MYOM1: variants seen among roughly 807,000 people sequenced by gnomAD.
MYOM1 encodes the protein myomesin-1.
Under a neutral mutation model 205.3 loss-of-function variants are expected in MYOM1, and 164 were observed. The observed-to-expected ratio is 0.80, with a 90% CI of 0.70 to 0.91. The LOEUF (loss-of-function observed/expected upper bound fraction) is 0.91. Among genes scored for constraint, MYOM1 ranks in the 40% least tolerant of loss-of-function variants. The pLI is 0.00. For synonymous variants in MYOM1, 772 were observed against 789.4 expected, an observed-to-expected ratio of 0.98 and a Z score of 0.37; for missense variants, 2,011 against 2,127.3, an observed-to-expected ratio of 0.95 and a Z score of 1.08.
intron 10 of MYOM1, among the ~76,000 whole-genome samples, chr18:3,158,001 T>A (rs749756840): frequency 6.6e-6 from 1 of 152,198 alleles, no homozygotes; most frequent in Middle Eastern, 3.4e-3. Flanking sequence ...ACACAGACTA[T>A]TAATAACTTT....
At chr18:3,123,827 A>ATT (rs5822739) in intron 19 of MYOM1, among the ~76,000 whole-genome samples, 70,306 of 147,284 alleles carry the variant, frequency 0.48, 17,672 homozygotes, top group East Asian at 0.91. Context: ...ATTTTTATTT[A>ATT]TTTATTTTTT....
intron 22 of MYOM1, among the ~76,000 whole-genome samples, 182 bp from the exon 23 acceptor site, chr18:3,102,812 T>A (rs1224524750): frequency 1.3e-5 from 2 of 152,226 alleles, no homozygotes; most frequent in Non-Finnish European, 2.9e-5. Context: ...TGCCATAACA[T>A]GAAATTAGAT....
intron 23 of MYOM1, among the ~76,000 whole-genome samples, chr18:3,100,898 A>G (rs2079366464): frequency 6.6e-6 from 1 of 152,212 alleles, no homozygotes; most frequent in Non-Finnish European, 1.5e-5. Context: ...GTGCCTTCAG[A>G]GACAGGAACT....
chr18:3,077,890 G>A (rs1338702458), intron 34 of MYOM1, among the ~76,000 whole-genome samples: 2 of 152,090 alleles, frequency 1.3e-5, no homozygotes, highest in Non-Finnish European at 2.9e-5. Flanking sequence ...GAAAGGTCCT[G>A]CAGCGAGTCT....
At position 3,100,139 on chromosome 18, in the gene MYOM1, A is replaced by G; in HGVS notation, c.3727+20T>C. Reference sequence around the variant, plus strand: ...CTAGTAAGACTGCTAAAAACCTGTGAATGTATTGTGGATACTTACTTGGGA... The same window carrying G: ...CTAGTAAGACTGCTAAAAACCTGTGGATGTATTGTGGATACTTACTTGGGA... On this transcript the variant is annotated intron_variant, in intron 25 of 37. Coordinates refer to ENST00000356443, the MANE Select transcript of MYOM1 (RefSeq NM_003803.4). The G allele has an allele frequency of 8.7e-6, 14 of 1,613,388 alleles. No individual in the cohort carries two copies. The highest frequency in any genetic ancestry group is 1.1e-5 in the Non-Finnish European group (13 of 1,179,734).
chr18:3,155,234 T>G (rs1442021325), intron 10 of MYOM1, 146 bp from the exon 11 acceptor site: 3 of 877,006 alleles, frequency 3.4e-6, no homozygotes, highest in Non-Finnish European at 4.8e-6. Flanking sequence ...TTGCTATTTT[T>G]TTTTTGAGAC....
At chr18:3,232,629 T>G in the MYOM1 span, among the ~76,000 whole-genome samples, 102 of 152,338 alleles carry the variant, frequency 6.7e-4, no homozygotes, top group African/African-American at 2.3e-3. Context: ...TAATAATACA[T>G]TAGTTAAAGC....
intron 3 of MYOM1, among the ~76,000 whole-genome samples, chr18:3,191,275 T>C (rs1358159185): frequency 1.3e-5 from 2 of 152,218 alleles, no homozygotes; most frequent in African/African-American, 2.4e-5. Flanking sequence ...AAATTTCAGG[T>C]GCCATGCAGA....
At chr18:3,240,065 C>T in the MYOM1 span, among the ~76,000 whole-genome samples, 8 of 152,032 alleles carry the variant, frequency 5.3e-5, no homozygotes, top group African/African-American at 1.2e-4. Flanking sequence ...AAGTAAGCAT[C>T]GACTATAATT....
In MYOM1 at chr18:3,069,949, C is replaced by T. The variant is rs149528949; in HGVS notation, c.4764+1885G>A. 1.5e-3 allele frequency among the ~76,000 whole-genome samples: 221 copies of T among 152,214 alleles called. 2 individuals carry two copies. Among genetic ancestry groups the T allele is most frequent in the African/African-American group, 4.7e-3 (194 of 41,542 alleles). The stretch of plus-strand genomic sequence containing the variant: ...TGCAGTGGCTGAGCTTAAAATCAAC[C>T]GTGATCATATTTTCCAACCATGAGG... On this transcript the variant is annotated intron_variant, in intron 37 of 37. Transcript: ENST00000356443.
intron 31 of MYOM1, 96 bp from the exon 32 acceptor site, chr18:3,084,123 T>C (rs1316191018): frequency 4.5e-6 from 6 of 1,320,056 alleles, no homozygotes; most frequent in Admixed American, 4.0e-5. Flanking sequence ...CCCTTTCTGG[T>C]TGAAAGGAAA....
At chr18:3,072,347 C>T (rs890497033) in intron 36 of MYOM1, among the ~76,000 whole-genome samples, 6 of 63,250 alleles carry the variant, frequency 9.5e-5, no homozygotes, top group South Asian at 5.9e-4. Flanking sequence ...CCACCGCACC[C>T]GGCTTTTTTT....
the MYOM1 span, among the ~76,000 whole-genome samples, chr18:3,232,823 T>C: frequency 6.9e-6 from 1 of 145,128 alleles, no homozygotes; most frequent in East Asian, 1.9e-4. Flanking sequence ...GTATTTCACA[T>C]AAATATGTTT....
intron 16 of MYOM1, among the ~76,000 whole-genome samples, chr18:3,131,844 C>G (rs2079879876): frequency 6.6e-6 from 1 of 151,712 alleles, no homozygotes; most frequent in Non-Finnish European, 1.5e-5. Flanking sequence ...TAAACCCACT[C>G]TGTCAAAAAA....
intron 36 of MYOM1, among the ~76,000 whole-genome samples, chr18:3,074,303 A>G (rs72858615): frequency 6.6e-6 from 1 of 152,030 alleles, no homozygotes; most frequent in Non-Finnish European, 1.5e-5. Context: ...AAAGTGGAGA[A>G]GGGAGTGGAG....
chr18:3,155,468 C>T (rs1056624780), intron 10 of MYOM1, among the ~76,000 whole-genome samples: 1 of 152,224 alleles, frequency 6.6e-6, no homozygotes, highest in East Asian at 1.9e-4. Flanking sequence ...TTGTGATCCG[C>T]CCGCCTCGGC....
chr18:3,223,274 C>T (rs2081339451), upstream of MYOM1, among the ~76,000 whole-genome samples: 1 of 152,206 alleles, frequency 6.6e-6, no homozygotes. Flanking sequence ...TACTTCCTGG[C>T]ATATAGCAAA....
intron 12 of MYOM1, among the ~76,000 whole-genome samples, chr18:3,151,382 A>G (rs2080218506): frequency 6.6e-6 from 1 of 151,678 alleles, no homozygotes; most frequent in South Asian, 2.1e-4. Context: ...TTTATACTTC[A>G]TTCCACACAC....
chr18:3,198,068 A>G (rs566186868), intron 2 of MYOM1, among the ~76,000 whole-genome samples: 1,799 of 143,136 alleles, frequency 0.013, 20 homozygotes, highest in Middle Eastern at 0.038. Flanking sequence ...GCTAAAAATA[A>G]AGCACAAAAA....
Sources: allele counts gnomAD v4.1 joint callset (sites outside exome capture counted in the v4.1 genomes callset), GRCh38; gene constraint gnomAD v4.1.1; transcripts MANE v1.5; gene names NCBI Gene and HGNC (gene_info 2026-07-23, HGNC 2026-07-21).